FER1L6: variants seen among roughly 807,000 people sequenced by gnomAD.
The protein encoded by FER1L6 is fer-1-like protein 6.
Under a neutral mutation model 219.2 loss-of-function variants are expected in FER1L6, and 177 were observed. The ratio of observed to expected loss-of-function variants is 0.81; its 90% CI spans 0.71 to 0.91. The LOEUF is 0.91. Among genes scored for constraint, FER1L6 ranks in the 40% least tolerant of loss-of-function variants. The pLI is 0.00. For missense variants in FER1L6, 2,153 were observed against 2,259.9 expected (o/e 0.95, Z 0.96); for synonymous variants, 768 against 824.3 (o/e 0.93, Z 1.17).
rs1390751920 is a variant in FER1L6 at position 124,061,870 on chromosome 8, C to T, written c.3166C>T (p.Leu1056Phe). The T allele has an allele frequency of 1.2e-6, 2 of 1,613,660 alleles. No homozygotes were observed. The highest frequency in any genetic ancestry group is 2.2e-5 in the East Asian group (1 of 44,872). The change falls in exon 25 of 41, where the codon CTT becomes TTT. Residue 1056 changes from leucine to phenylalanine, a missense_variant. By Grantham distance (22) the Leu-to-Phe change is conservative. Transcript: ENST00000522917. The part of the protein sequence containing the change: ...AFEVELPENE[L>F]LHPPLSICVV... ...TCTGCAGGAACTGCCTGAGAACGAG[C>T]TTCTGCACCCGCCACTGAGCATCTG...
intron 1 of FER1L6, among the ~76,000 whole-genome samples, chr8:123,937,199 G>A (rs1382071009): frequency 6.6e-6 from 1 of 152,202 alleles, no homozygotes; most frequent in Non-Finnish European, 1.5e-5. Flanking sequence ...GAGCCACCAT[G>A]CCCAGCCTGT....
Position 124,066,445 on chromosome 8 carries a change from C to T in FER1L6, c.3573C>T (p.Ser1191=), listed in dbSNP as rs775584293. The change falls in exon 27 of 41, where the codon TCC becomes TCT. Residue 1191 remains serine (S), a synonymous_variant. Transcript: ENST00000522917. ...DGKPKDPRKP[S]RRSTKRRKRT... is the part of the protein sequence containing the mutation. ...CTTGCCAGGATCCCAGGAAGCCTTC[C>T]CGGAGGTCCACTAAGAGGAGAAAGA... is the stretch of plus-strand genomic sequence containing the variant. The T allele has an allele frequency of 6.8e-6, 11 of 1,613,836 alleles. No homozygotes were observed. Among genetic ancestry groups the T allele is most frequent in the African/African-American group, 1.3e-5 (1 of 75,032 alleles).
In FER1L6 at chr8:124,003,317, C is replaced by A; in HGVS notation, c.1670C>A (p.Pro557Gln). ...VPIPMASTTH[P>Q]EKPLVTEGNR... is the part of the protein sequence containing the mutation. ...ATTCCTATGGCCTCCACCACTCACC[C>A]GGAGAAGCCACTGGTGACAGAAGGG... The change falls in exon 13 of 41, where the codon CCG becomes CAG. Residue 557 changes from proline to glutamine, a missense_variant. By Grantham distance (76) the Pro-to-Gln change is moderately conservative. Coordinates refer to ENST00000522917, the MANE Select transcript of FER1L6 (RefSeq NM_001039112.2). The A allele has an allele frequency of 6.2e-7, 1 of 1,613,424 alleles. No homozygotes were observed. Among genetic ancestry groups the A allele is most frequent in the Admixed American group, 1.7e-5 (1 of 60,014 alleles).
intron 1 of FER1L6, among the ~76,000 whole-genome samples, chr8:123,944,520 T>C (rs1814396446): frequency 6.6e-6 from 1 of 151,756 alleles, no homozygotes; most frequent in Admixed American, 6.6e-5. Flanking sequence ...ATAAGAATAG[T>C]AACTATTTTC....
At position 124,059,575 on chromosome 8, in the gene FER1L6, G is replaced by A. The variant is rs140049395; in HGVS notation, c.2875-605G>A. Among the ~76,000 whole-genome samples, 225 of 152,272 alleles carry A rather than the reference G, an allele frequency of 1.5e-3. 2 individuals carry two copies. Among genetic ancestry groups the A allele is most frequent in the African/African-American group, 5.3e-3 (219 of 41,562 alleles). The stretch of plus-strand genomic sequence containing the variant: ...TGTAAGTCCTTTGTGTGAAATTTCA[G>A]CAAAGCTGAAATTGTCCTGAAGTTT... On this transcript the variant is annotated intron_variant, in intron 22 of 40. Coordinates refer to ENST00000522917, the MANE Select transcript of FER1L6 (RefSeq NM_001039112.2).
intron 1 of FER1L6, among the ~76,000 whole-genome samples, chr8:123,922,524 T>A (rs1419307907): frequency 1.3e-5 from 2 of 152,026 alleles, no homozygotes; most frequent in African/African-American, 4.8e-5. Flanking sequence ...CAGCAGCCCA[T>A]CGTGAGGGGG....
At chr8:123,967,110 T>C (rs892911215) in intron 5 of FER1L6, among the ~76,000 whole-genome samples, 2 of 147,150 alleles carry the variant, frequency 1.4e-5, no homozygotes, top group Non-Finnish European at 3.0e-5. Context: ...AATTACTTGG[T>C]GAAAAAATAT....
At chr8:124,085,906 G>A (rs1259141572) in intron 33 of FER1L6, among the ~76,000 whole-genome samples, 1 of 152,054 alleles carries the variant, frequency 6.6e-6, no homozygotes, top group African/African-American at 2.4e-5. Context: ...GGTTGGGTGT[G>A]TGTGTATGCA....
rs547355507 is a variant in FER1L6, at chr8:124,018,600, C to T, written c.2013+882C>T. Among the ~76,000 whole-genome samples, 5 of 152,274 alleles carry T rather than the reference C, an allele frequency of 3.3e-5. No individual in the cohort carries two copies. The South Asian group carries it at 1.0e-3, about 32-fold the overall frequency. On this transcript the variant is annotated intron_variant, in intron 16 of 40. Coordinates refer to ENST00000522917, the MANE Select transcript of FER1L6 (RefSeq NM_001039112.2). The stretch of plus-strand genomic sequence containing the variant: ...GCTATCTCTGCAGCTTCCCTCTACT[C>T]CATGTTTTCTGCAGAGTTCTGTCTT...
chr8:123,971,044 G>T (rs952797971), intron 6 of FER1L6, among the ~76,000 whole-genome samples: 1 of 152,206 alleles, frequency 6.6e-6, no homozygotes, highest in Non-Finnish European at 1.5e-5. Flanking sequence ...AGGAAGTCTG[G>T]AGAATAAGGG....
At chr8:123,941,344 G>T (rs981640250) in intron 1 of FER1L6, among the ~76,000 whole-genome samples, 1 of 152,154 alleles carries the variant, frequency 6.6e-6, no homozygotes, top group South Asian at 2.1e-4. Context: ...GCCCATGAAG[G>T]ATGGGACAGT....
At chr8:124,070,635 C>G (rs2130868248) in intron 30 of FER1L6, 37 bp downstream of exon 30, 1 of 1,530,636 alleles carries the variant, frequency 6.5e-7, no homozygotes, top group Admixed American at 2.1e-5. Flanking sequence ...TTGGCTCTCC[C>G]TGTCCATAAA....
intron 1 of FER1L6, among the ~76,000 whole-genome samples, chr8:123,925,526 G>A (rs1813530853): frequency 6.6e-6 from 1 of 152,172 alleles, no homozygotes; most frequent in Admixed American, 6.5e-5. Flanking sequence ...TAATTTTGGT[G>A]GCTGTGTGCC....
chr8:124,083,307 A>G (rs1010948502), intron 33 of FER1L6, among the ~76,000 whole-genome samples: 1 of 152,134 alleles, frequency 6.6e-6, no homozygotes, highest in Non-Finnish European at 1.5e-5. Context: ...CATGAGTTCA[A>G]GTGTTTAAGT....
At chr8:123,982,367 A>T (rs1388410514) in intron 11 of FER1L6, among the ~76,000 whole-genome samples, 1 of 152,188 alleles carries the variant, frequency 6.6e-6, no homozygotes, top group East Asian at 1.9e-4. Context: ...TTTGATGAAG[A>T]CACTTGAAGC....
chr8:124,069,119 A>T (rs899336367), intron 28 of FER1L6, among the ~76,000 whole-genome samples: 1 of 151,606 alleles, frequency 6.6e-6, no homozygotes, highest in South Asian at 2.1e-4. Flanking sequence ...TGTATTTTTA[A>T]TAGAGACGGG....
chr8:123,988,588 T>G (rs958542777), intron 12 of FER1L6, among the ~76,000 whole-genome samples: 31 of 152,332 alleles, frequency 2.0e-4, no homozygotes, highest in African/African-American at 7.5e-4. Context: ...TTGTGGCTAT[T>G]GTAAATGGGA....
intron 13 of FER1L6, among the ~76,000 whole-genome samples, chr8:124,005,547 C>T (rs1817619300): frequency 6.6e-6 from 1 of 152,234 alleles, no homozygotes. Context: ...ACTTTGTCCT[C>T]ACCTCCCCCA....
At chr8:124,027,542 T>C (rs376772685) in intron 18 of FER1L6, among the ~76,000 whole-genome samples, 6 of 152,340 alleles carry the variant, frequency 3.9e-5, no homozygotes, top group African/African-American at 1.4e-4. Flanking sequence ...CTCTCCGTGT[T>C]ATTTTCTGTC....
Sources: allele counts gnomAD v4.1 joint callset (sites outside exome capture counted in the v4.1 genomes callset), GRCh38; gene constraint gnomAD v4.1.1; transcripts MANE v1.5; gene names NCBI Gene and HGNC (gene_info 2026-07-23, HGNC 2026-07-21).